CCDC40: variants seen among roughly 807,000 people sequenced by gnomAD.
CCDC40 encodes coiled-coil domain-containing protein 40.
In CCDC40, 104 loss-of-function variants were observed where a neutral mutation model predicts 124.5. The observed-to-expected ratio is 0.84, with a 90% CI of 0.71 to 0.98. The LOEUF (loss-of-function observed/expected upper bound fraction) is 0.98, where lower values mean the gene tolerates loss of function less well. Ranked by LOEUF, CCDC40 falls within the 50% of genes least tolerant of loss-of-function variation. The probability of loss-of-function intolerance (pLI) is 0.00; values close to 1 mark genes in which losing one functional copy is unlikely to be tolerated. For synonymous variants in CCDC40, 580 were observed against 602.9 expected, an observed-to-expected ratio of 0.96 and a Z score of 0.56; for missense variants, 1,463 against 1,503.9, an observed-to-expected ratio of 0.97 and a Z score of 0.45.
In CCDC40 at chr17:80,095,397, C is replaced by A; in HGVS notation, c.2967C>A (p.Thr989=). 5.6e-6 allele frequency: 9 copies of A among 1,614,154 alleles called. No individual in the cohort carries two copies. In the South Asian group the frequency reaches 7.7e-5, roughly 14 times the overall value. ...TGGACAGGAAGGCGCTCACCCGCAC[C>A]GACTTCCACCACAAGCAGCTTGAGC... The part of the protein sequence containing the change: ...RKMDRKALTR[T]DFHHKQLELR... Residue 989 remains threonine (T), a synonymous_variant, in exon 18 of 20, where the codon ACC becomes ACA. Transcript: ENST00000397545.
intron 17 of CCDC40, chr17:80,090,318 G>T (rs1209767121): frequency 1.1e-5 from 7 of 623,302 alleles, no homozygotes; most frequent in East Asian, 7.6e-5. Flanking sequence ...CGAACAACAC[G>T]GGACGCGCGC....
In CCDC40 at chr17:80,099,947, C is replaced by A; in HGVS notation, c.*172C>A. The A allele has an allele frequency of 4.3e-6, 3 of 703,118 alleles. No homozygotes were observed. Among genetic ancestry groups the A allele is most frequent in the Non-Finnish European group, 7.1e-6 (3 of 425,368 alleles). 43.6% of individuals were successfully genotyped at this position (703,118 alleles called of 1,614,324 possible). The stretch of plus-strand genomic sequence containing the variant: ...CATAGGAATCTTTTTAGCCACTCAG[C>A]AATTTAATAAACCAGGTAAAATCCT... On this transcript the variant is annotated 3_prime_UTR_variant, in exon 20 of 20. Transcript: ENST00000397545.
intron 7 of CCDC40, among the ~76,000 whole-genome samples, chr17:80,050,571 G>A (rs2037559633): frequency 6.6e-6 from 1 of 152,218 alleles, no homozygotes; most frequent in Admixed American, 6.5e-5. Context: ...AGCCTCCCAA[G>A]TAGCTGGTAT....
Position 80,038,649 on chromosome 17 carries a change from A to C in CCDC40, c.93+463A>C, listed in dbSNP as rs183338694. On this transcript the variant is annotated intron_variant, in intron 2 of 19. Transcript: ENST00000397545. ...AGACTATCCTGGCCAACATGGTGAAACCCTGTCTCTACTAAAAATACAAAA... is the reference window on the plus strand; with the variant it reads ...AGACTATCCTGGCCAACATGGTGAACCCCTGTCTCTACTAAAAATACAAAA... 5.9e-4 allele frequency among the ~76,000 whole-genome samples: 89 copies of C among 151,624 alleles called. 1 individual carries two copies. In the East Asian group the frequency reaches 0.017, roughly 28 times the overall value.
At chr17:80,075,047 T>C (rs1239106172) in intron 10 of CCDC40, among the ~76,000 whole-genome samples, 1 of 151,918 alleles carries the variant, frequency 6.6e-6, no homozygotes, top group Non-Finnish European at 1.5e-5. Context: ...CTCAGACTTC[T>C]GAGTAGCTAG....
Position 80,058,846 on chromosome 17 carries a change from C to A in CCDC40, c.1318-12C>A. The A allele has an allele frequency of 6.2e-7, 1 of 1,614,116 alleles. No individual in the cohort carries two copies. The highest frequency in any genetic ancestry group is 8.5e-7 in the Non-Finnish European group (1 of 1,180,028). On this transcript the variant is annotated splice_polypyrimidine_tract_variant and intron_variant, in intron 8 of 19. Transcript: ENST00000397545. This position sits in a 1 kb window ranked among gnomAD's most constrained non-coding sequence, Gnocchi z 4.2. The stretch of plus-strand genomic sequence containing the variant: ...ACCTCCTGACGGGGCTGCTTCTCAT[C>A]CTGTTTCCCAGGACCTGTATGTGGA...
At position 80,095,374 on chromosome 17, in the gene CCDC40, G is replaced by A. The variant is rs2038790021; in HGVS notation, c.2944G>A (p.Asp982Asn). The change falls in exon 18 of 20, where the codon GAC becomes AAC. Residue 982 changes from aspartate (D) to asparagine (N), a missense_variant. By Grantham distance (23) the Asp-to-Asn change is conservative. Coordinates refer to ENST00000397545, the MANE Select transcript of CCDC40 (RefSeq NM_017950.4). ...CCAGGCCGAGGGGCAGCGCAAGATG[G>A]ACAGGAAGGCGCTCACCCGCACCGA... ...TTQAEGQRKM[D>N]RKALTRTDFH... 1 of 1,614,134 alleles carries A rather than the reference G, an allele frequency of 6.2e-7. No individual in the cohort carries two copies. The highest frequency in any genetic ancestry group is 2.2e-5 in the East Asian group (1 of 44,890).
intron 10 of CCDC40, chr17:80,067,618 C>T (rs749054551): frequency 5.9e-6 from 9 of 1,536,132 alleles, no homozygotes; most frequent in African/African-American, 4.1e-5. Context: ...CCCGGGGCAT[C>T]GAGGGCGTTC....
intron 10 of CCDC40, among the ~76,000 whole-genome samples, chr17:80,077,074 G>A (rs1185465820): frequency 2.0e-5 from 3 of 152,210 alleles, no homozygotes; most frequent in South Asian, 2.1e-4. Context: ...GCTATTGCAC[G>A]CTTGATAGAC....
rs1048056057 is a variant in CCDC40, at chr17:80,065,744, G to T, written c.1562+138G>T. 4 of 1,179,730 alleles carry T rather than the reference G, an allele frequency of 3.4e-6. No homozygotes were observed. In the Admixed American group the frequency reaches 5.9e-5, roughly 17 times the overall value. 73.1% of individuals were successfully genotyped at this position (1,179,730 alleles called of 1,614,324 possible). ...CCTTGATCCCCGGGTCCGGGCTTCC[G>T]TCCGGAAAGCTCCCTCATTGTTTGG... On this transcript the variant is annotated intron_variant, in intron 10 of 19. Transcript: ENST00000397545.
chr17:80,060,678 A>C (rs897477385), intron 9 of CCDC40, among the ~76,000 whole-genome samples: 1 of 152,166 alleles, frequency 6.6e-6, no homozygotes, highest in African/African-American at 2.4e-5. Context: ...GCTACGGAGC[A>C]AGACCCTGTC....
At chr17:80,071,316 G>C (rs955691520) in intron 10 of CCDC40, among the ~76,000 whole-genome samples, 1 of 152,164 alleles carries the variant, frequency 6.6e-6, no homozygotes, top group Non-Finnish European at 1.5e-5. Flanking sequence ...CCCAAGATGT[G>C]ACTCGGTCAG....
chr17:80,043,601 C>G (rs1382542617), intron 3 of CCDC40, among the ~76,000 whole-genome samples: 1 of 142,900 alleles, frequency 7.0e-6, no homozygotes, highest in Admixed American at 7.0e-5. Flanking sequence ...GTTTTCTCCT[C>G]TTCCTTTTTT....
At chr17:80,055,723 T>G (rs1013883000) in intron 7 of CCDC40, among the ~76,000 whole-genome samples, 2 of 151,920 alleles carry the variant, frequency 1.3e-5, no homozygotes. Flanking sequence ...ATGCAAGAGC[T>G]CTACAACTAA....
intron 10 of CCDC40, among the ~76,000 whole-genome samples, chr17:80,068,978 G>A (rs1044343504): frequency 1.3e-5 from 2 of 152,204 alleles, no homozygotes; most frequent in African/African-American, 4.8e-5. Context: ...CTTCTTCCCC[G>A]AAGTTCATGG....
chr17:80,038,901 A>G (rs1598473971), intron 2 of CCDC40, among the ~76,000 whole-genome samples: 1 of 152,232 alleles, frequency 6.6e-6, no homozygotes, highest in East Asian at 1.9e-4. Context: ...TTGTATGATG[A>G]CATTATCTTG....
In CCDC40 at chr17:80,100,091, T is replaced by C. The variant is rs1200694122; in HGVS notation, c.*316T>C. On this transcript the variant is annotated 3_prime_UTR_variant, in exon 20 of 20. Coordinates refer to ENST00000397545, the MANE Select transcript of CCDC40 (RefSeq NM_017950.4). ...CACTTTGGTTTGCAGCACTCCCAAA[T>C]CTGCACGTGCCTCTCACAACACAAC... 5.0e-6 allele frequency: 2 copies of C among 400,168 alleles called. No individual in the cohort carries two copies. The highest frequency in any genetic ancestry group is 9.4e-6 in the Non-Finnish European group (2 of 212,118). The allele number at this position is 400,168 out of a possible 1,614,324, so 24.8% of individuals were successfully genotyped here. A position where few individuals can be genotyped will look rare whatever the true frequency, so the allele number is the denominator to read the frequency against.
At chr17:80,091,222 T>C (rs2143767205) in intron 17 of CCDC40, among the ~76,000 whole-genome samples, 1 of 152,240 alleles carries the variant, frequency 6.6e-6, no homozygotes, top group Admixed American at 6.5e-5. Flanking sequence ...TCAGGTTGTT[T>C]CCAATTTGTT....
chr17:80,090,317 CGGG>C lies in CCDC40; in HGVS notation c.2832+434_2832+436del, dbSNP rs1567813783. ...CGCGCAGGCACGTGCACGAACAACA[CGGG>C]ACGCGCGCAGGCACGTGCACGAACA... is the stretch of plus-strand genomic sequence containing the variant. On this transcript the variant is annotated intron_variant, in intron 17 of 19. Transcript: ENST00000397545. 13 of 1,152,514 alleles carry C rather than the reference CGGG, an allele frequency of 1.1e-5. 1 individual carries two copies. The highest frequency in any genetic ancestry group is 7.8e-5 in the South Asian group (5 of 64,338). 71.4% of individuals were successfully genotyped at this position (1,152,514 alleles called of 1,614,324 possible).
Sources: gnomAD v4.1 joint callset for allele counts (sites outside exome capture counted in the v4.1 genomes callset) on GRCh38, gnomAD v4.1.1 for gene constraint, Gnocchi (gnomAD v3.1) non-coding constraint, MANE v1.5 for transcripts, NCBI Gene and HGNC (gene_info 2026-07-23, HGNC 2026-07-21) for gene names.